The following CAMKK1 variants were observed in gnomAD, a reference collection of about 807,000 sequenced individuals.
CAMKK1 encodes the protein calcium/calmodulin-dependent protein kinase kinase 1.
Under a neutral mutation model 63.5 loss-of-function variants are expected in CAMKK1, and 20 were observed. The observed-to-expected ratio is 0.32, with a 90% CI of 0.22 to 0.46. CAMKK1 has a LOEUF of 0.46. Among genes scored for constraint, CAMKK1 ranks in the 20% least tolerant of loss-of-function variants. CAMKK1 has a pLI of 1.00. For synonymous variants in CAMKK1, 253 were observed against 269.0 expected, an observed-to-expected ratio of 0.94 and a Z score of 0.58; for missense variants, 588 against 658.1, an observed-to-expected ratio of 0.89 and a Z score of 1.17.
intron 12 of CAMKK1, among the ~76,000 whole-genome samples, chr17:3,871,640 G>T (rs1268886649): frequency 6.7e-6 from 1 of 148,356 alleles, no homozygotes; most frequent in East Asian, 2.0e-4. Flanking sequence ...ACAGGTGTGA[G>T]CCGCCGCACC....
Position 3,862,132 on chromosome 17 carries a change from G to A in CAMKK1, c.*79C>T. The stretch of plus-strand genomic sequence containing the variant: ...AGTCCCCAGCCCCCTGCCTGCGGGG[G>A]CGGCTGTTGCATGAGGGGTGGGCCT... On this transcript the variant is annotated 3_prime_UTR_variant, in exon 16 of 16. Transcript: ENST00000348335. The surrounding 1 kb of genome is among the most constrained non-coding windows in gnomAD (Gnocchi z 4.1). 2 of 1,214,782 alleles carry A rather than the reference G, an allele frequency of 1.6e-6. No homozygotes were observed. The highest frequency in any genetic ancestry group is 1.2e-6 in the Non-Finnish European group (1 of 853,578). 75.3% of individuals were successfully genotyped at this position (1,214,782 alleles called of 1,614,324 possible).
Position 3,892,146 on chromosome 17 carries a change from C to T in CAMKK1, c.-44+793G>A, listed in dbSNP as rs2055925734. ...CCTGCGGACACCACCAAGGCCCGGTCCTGTGGCCTGTGACACAGCCTTCTC... is the reference window on the plus strand; with the variant it reads ...CCTGCGGACACCACCAAGGCCCGGTTCTGTGGCCTGTGACACAGCCTTCTC... On this transcript the variant is annotated intron_variant, in intron 1 of 15. Coordinates refer to ENST00000348335, the MANE Select transcript of CAMKK1 (RefSeq NM_032294.3). The surrounding 1 kb of genome is among the most constrained non-coding windows in gnomAD (Gnocchi z 7.5). 6.6e-6 allele frequency among the ~76,000 whole-genome samples: 1 copy of T among 151,888 alleles called. No individual in the cohort carries two copies. The highest frequency in any genetic ancestry group is 2.4e-5 in the African/African-American group (1 of 41,212).
intron 15 of CAMKK1, among the ~76,000 whole-genome samples, chr17:3,864,734 C>G (rs2054451238): frequency 6.6e-6 from 1 of 152,218 alleles, no homozygotes; most frequent in South Asian, 2.1e-4. Context: ...GACAGAAAAG[C>G]TGCAGTTGGG....
chr17:3,884,001 G>T lies in CAMKK1; in HGVS notation c.409-64C>A. 6.5e-7 allele frequency: 1 copy of T among 1,534,116 alleles called. No individual in the cohort carries two copies. The highest frequency in any genetic ancestry group is 9.0e-7 in the Non-Finnish European group (1 of 1,112,630). The stretch of plus-strand genomic sequence containing the variant: ...AACCCCTCCCAGGACCAGCTCAGGA[G>T]GTGGGGAGCCGAGCAGCTCTGGTCT... On this transcript the variant is annotated intron_variant, in intron 3 of 15. Transcript: ENST00000348335. This position sits in a 1 kb window ranked among gnomAD's most constrained non-coding sequence, Gnocchi z 4.5.
Position 3,883,154 on chromosome 17 carries a change from G to A in CAMKK1, c.536C>T (p.Ser179Phe). Residue 179 changes from serine to phenylalanine, a missense_variant, in exon 6 of 16, where the codon TCC (serine) becomes TTC (phenylalanine). Physicochemically the swap from Ser to Phe is radical, Grantham distance 155. Coordinates refer to ENST00000348335, the MANE Select transcript of CAMKK1 (RefSeq NM_032294.3). The surrounding 1 kb of genome is among the most constrained non-coding windows in gnomAD (Gnocchi z 4.7). Reference sequence around the variant, plus strand: ...GGCTGGTCCTCCCTGGGCAGCCTGGGACCCTCTCGGGGGAGGGCGACCTGT... The same window carrying A: ...GGCTGGTCCTCCCTGGGCAGCCTGGAACCCTCTCGGGGGAGGGCGACCTGT... ...GFPRRPPPRG[S>F]QAAQGGPAKQ... 1 of 1,611,676 alleles carries A rather than the reference G, an allele frequency of 6.2e-7. No individual in the cohort carries two copies. The highest frequency in any genetic ancestry group is 8.5e-7 in the Non-Finnish European group (1 of 1,179,970).
At chr17:3,866,072 G>A in intron 14 of CAMKK1, 61 bp from the exon 15 acceptor site, 7 of 1,583,142 alleles carry the variant, frequency 4.4e-6, no homozygotes, top group African/African-American at 1.3e-5. Flanking sequence ...CGCAGCCTCT[G>A]CTCCGATTCC....
In CAMKK1 at chr17:3,880,350, C is replaced by T. The variant is rs1315108996; in HGVS notation, c.792G>A (p.Glu264=). Residue 264 remains glutamate, a synonymous_variant, in exon 9 of 16, where the codon GAG becomes GAA. Transcript: ENST00000348335. ...GGCAAGCTGCCCCGCACTCACAGTA[C>T]TCGAGGCCCAGGATGACGTCCCGCA... The part of the protein sequence containing the change: ...LYLRDVILGL[E]YLHCQKIVHR... The T allele has an allele frequency of 1.2e-6, 2 of 1,613,750 alleles. No homozygotes were observed. Among genetic ancestry groups the T allele is most frequent in the African/African-American group, 2.7e-5 (2 of 74,934 alleles).
intron 10 of CAMKK1, among the ~76,000 whole-genome samples, chr17:3,874,825 C>T (rs977457474): frequency 6.6e-6 from 1 of 151,346 alleles, no homozygotes; most frequent in Non-Finnish European, 1.5e-5. Flanking sequence ...TAAGTCTTAT[C>T]AATGATTAAT....
intron 14 of CAMKK1, among the ~76,000 whole-genome samples, chr17:3,869,142 A>G (rs1287565867): frequency 4.0e-5 from 6 of 149,322 alleles, no homozygotes; most frequent in Admixed American, 6.7e-5. Context: ...CTAATTTTCT[A>G]TATTTTTAGT....
In CAMKK1 at chr17:3,876,305, G is replaced by A. The variant is rs567177203; in HGVS notation, c.914C>T (p.Ala305Val). ...GVSNQFEGND[A>V]QLSSTAGTPA... Reference sequence around the variant, plus strand: ...GGTTCCCGCCGTGCTGGACAGCTGAGCGTCGTTCCCCTCAAACTGGTTGCT... The same window carrying A: ...GGTTCCCGCCGTGCTGGACAGCTGAACGTCGTTCCCCTCAAACTGGTTGCT... Residue 305 changes from alanine (A) to valine (V), a missense_variant, in exon 10 of 16, where the codon GCT becomes GTT. This residue lies in a region of CAMKK1 where 357 missense variants were observed against 407.4 expected (regional missense o/e 0.88). Transcript: ENST00000348335. 1 of 1,614,266 alleles carries A rather than the reference G, an allele frequency of 6.2e-7. No individual in the cohort carries two copies. Among genetic ancestry groups the A allele is most frequent in the East Asian group, 2.2e-5 (1 of 44,888 alleles).
Position 3,862,238 on chromosome 17 carries a change from G to A in CAMKK1, c.1491C>T (p.Gly497=), listed in dbSNP as rs1216646818. 12 of 1,591,036 alleles carry A rather than the reference G, an allele frequency of 7.5e-6. No homozygotes were observed. Among genetic ancestry groups the A allele is most frequent in the East Asian group, 2.3e-5 (1 of 43,802 alleles). ...GEGGKSPELP[G]VQEDEAAS ...AGGATGCAGCCTCGTCTTCCTGGAC[G>A]CCGGGGAGCTCTGGGCTCTTGCCCC... The change falls in exon 16 of 16, where the codon GGC becomes GGT. Residue 497 remains glycine (G), a synonymous_variant. Coordinates refer to ENST00000348335, the MANE Select transcript of CAMKK1 (RefSeq NM_032294.3). The surrounding 1 kb of genome is among the most constrained non-coding windows in gnomAD (Gnocchi z 4.1).
chr17:3,881,581 AG>A (rs1187026538), intron 8 of CAMKK1, 45 bp downstream of exon 8: 3 of 1,501,958 alleles, frequency 2.0e-6, no homozygotes, highest in East Asian at 2.4e-5. Context: ...AAAGGAAGGA[AG>A]GCCTGGATGA....
Position 3,862,318 on chromosome 17 carries a change from G to C in CAMKK1, c.1446-35C>G. 1.3e-6 allele frequency: 2 copies of C among 1,509,758 alleles called. No homozygotes were observed. Among genetic ancestry groups the C allele is most frequent in the Non-Finnish European group, 9.0e-7 (1 of 1,106,362 alleles). 93.5% of individuals were successfully genotyped at this position (1,509,758 alleles called of 1,614,324 possible). The stretch of plus-strand genomic sequence containing the variant: ...GGACACCAGGGACAGAGGGACCTCA[G>C]GGTCAGAATATGCACTCAGGGAGAC... On this transcript the variant is annotated intron_variant, in intron 15 of 15. Coordinates refer to ENST00000348335, the MANE Select transcript of CAMKK1 (RefSeq NM_032294.3). The surrounding 1 kb of genome is among the most constrained non-coding windows in gnomAD (Gnocchi z 4.1).
chr17:3,873,595 C>T lies in CAMKK1; in HGVS notation c.997-133G>A, dbSNP rs1017063752. 4.9e-5 allele frequency: 42 copies of T among 858,350 alleles called. 1 individual carries two copies. The highest frequency in any genetic ancestry group is 1.8e-4 in the South Asian group (12 of 67,224). 53.2% of individuals were successfully genotyped at this position (858,350 alleles called of 1,614,324 possible). A position where few individuals can be genotyped will look rare whatever the true frequency, so the allele number is the denominator to read the frequency against. ...ATGCACTCACTCGACAAACACTCCGCGGTACTTGCCCGATGCTGGGCCCCG... is the reference window on the plus strand; with the variant it reads ...ATGCACTCACTCGACAAACACTCCGTGGTACTTGCCCGATGCTGGGCCCCG... On this transcript the variant is annotated intron_variant, in intron 10 of 15. Coordinates refer to ENST00000348335, the MANE Select transcript of CAMKK1 (RefSeq NM_032294.3).
At position 3,862,491 on chromosome 17, in the gene CAMKK1, G is replaced by A. The variant is rs565615303; in HGVS notation, c.1446-208C>T. Among the ~76,000 whole-genome samples, 6 of 152,146 alleles carry A rather than the reference G, an allele frequency of 3.9e-5. No homozygotes were observed. In the East Asian group the frequency reaches 5.8e-4, roughly 15 times the overall value. On this transcript the variant is annotated intron_variant, in intron 15 of 15. Coordinates refer to ENST00000348335, the MANE Select transcript of CAMKK1 (RefSeq NM_032294.3). This position sits in a 1 kb window ranked among gnomAD's most constrained non-coding sequence, Gnocchi z 4.1. ...TCAGCCCCCAGTCTCAGCCCGCAAC[G>A]CCTCCGTGGCCCCCCATTGACCAGA...
intron 12 of CAMKK1, among the ~76,000 whole-genome samples, chr17:3,872,082 C>T (rs1031954665): frequency 6.6e-6 from 1 of 152,244 alleles, no homozygotes; most frequent in African/African-American, 2.4e-5. Flanking sequence ...TCAGAGACCT[C>T]GGTCACAATG....
At chr17:3,865,067 G>T in intron 15 of CAMKK1, 1 of 926,244 alleles carries the variant, frequency 1.1e-6, no homozygotes, top group Non-Finnish European at 1.3e-6. Context: ...GCCAGAGGAA[G>T]GCAGTGGCTG....
In CAMKK1 at chr17:3,887,298, T is replaced by C. The variant is rs1441967861; in HGVS notation, c.-43-1568A>G. ...GGGTAAGGGTGAGGTCCAGACCCCC[T>C]GTGCCCGGTACGCAGTGTGTTGAAT... On this transcript the variant is annotated intron_variant, in intron 1 of 15. Transcript: ENST00000348335. This position sits in a 1 kb window ranked among gnomAD's most constrained non-coding sequence, Gnocchi z 6.1. 6.6e-6 allele frequency among the ~76,000 whole-genome samples: 1 copy of C among 152,186 alleles called. No homozygotes were observed. Among genetic ancestry groups the C allele is most frequent in the Non-Finnish European group, 1.5e-5 (1 of 68,032 alleles).
At chr17:3,880,109 G>C in intron 9 of CAMKK1, 1 of 554,934 alleles carries the variant, frequency 1.8e-6, no homozygotes, top group Non-Finnish European at 3.2e-6. Flanking sequence ...CCAGGACTCA[G>C]ACCCACAGGA....
Sources: allele counts gnomAD v4.1 joint callset (sites outside exome capture counted in the v4.1 genomes callset), GRCh38; gene constraint gnomAD v4.1.1; regional missense constraint gnomAD v4.1.1; non-coding constraint Gnocchi (gnomAD v3.1); transcripts MANE v1.5; gene names NCBI Gene and HGNC (gene_info 2026-07-23, HGNC 2026-07-21).